ELFN2: variants seen among roughly 807,000 people sequenced by gnomAD.
ELFN2 encodes the protein protein phosphatase 1 regulatory subunit 29.
Under a neutral mutation model 45.5 loss-of-function variants are expected in ELFN2, and 17 were observed. That is an observed-to-expected ratio of 0.37 (90% confidence interval 0.26 to 0.56). ELFN2 has a LOEUF of 0.56. Ranked by LOEUF, ELFN2 falls within the 20% of genes least tolerant of loss-of-function variation. The probability of loss-of-function intolerance (pLI) is 0.77; values close to 1 mark genes in which losing one functional copy is unlikely to be tolerated. For missense variants in ELFN2, 922 were observed against 1,183.2 expected, an observed-to-expected ratio of 0.78 and a Z score of 3.24; for synonymous variants, 550 against 551.5, an observed-to-expected ratio of 1.00 and a Z score of 0.04.
chr22:37,404,655 T>C (rs569063216), intron 2 of ELFN2, among the ~76,000 whole-genome samples: 51 of 152,170 alleles, frequency 3.4e-4, no homozygotes, highest in African/African-American at 1.2e-3. Flanking sequence ...GACTCAGGCA[T>C]CCCTTGCACA....
chr22:37,422,444 C>T lies in ELFN2; in HGVS notation c.-613-4525G>A, dbSNP rs940864426. Among the ~76,000 whole-genome samples the T allele has an allele frequency of 3.3e-5, 5 of 151,910 alleles. No individual in the cohort carries two copies. The East Asian group carries it at 9.8e-4, about 30-fold the overall frequency. On this transcript the variant is annotated intron_variant, in intron 1 of 2. Coordinates refer to ENST00000402918, the MANE Select transcript of ELFN2 (RefSeq NM_052906.5). ...TGTTCTGGCCAGGCACAGTGGCTCA[C>T]GCCTGCAATCCCAGCACTTTGGGAG...
chr22:37,371,902 T>A lies in ELFN2; in HGVS notation c.*1170A>T, dbSNP rs1328474380. 6.6e-6 allele frequency: 1 copy of A among 152,202 alleles called. No individual in the cohort carries two copies. Among genetic ancestry groups the A allele is most frequent in the East Asian group, 1.9e-4 (1 of 5,180 alleles). The allele number at this position is 152,202 out of a possible 1,614,324, so 9.4% of individuals were successfully genotyped here. On this transcript the variant is annotated 3_prime_UTR_variant, in exon 3 of 3. Coordinates refer to ENST00000402918, the MANE Select transcript of ELFN2 (RefSeq NM_052906.5). This position sits in a 1 kb window ranked among gnomAD's most constrained non-coding sequence, Gnocchi z 6.4. Reference sequence around the variant, plus strand: ...GCCTGGATGAGCAGCCCAGAGGGGATGGGTGAGAAAGCCCTCCTTCCCCGG... The same window carrying A: ...GCCTGGATGAGCAGCCCAGAGGGGAAGGGTGAGAAAGCCCTCCTTCCCCGG...
At chr22:37,359,502 C>T (rs1003503312) in intron 1 of ELFN2, among the ~76,000 whole-genome samples, 2 of 152,262 alleles carry the variant, frequency 1.3e-5, no homozygotes, top group Non-Finnish European at 2.9e-5. Flanking sequence ...GTATCTGCAA[C>T]ACTGTCGCAG....
rs1384816861 is a variant in ELFN2, at chr22:37,372,907, G to A, written c.*165C>T. 13 of 676,250 alleles carry A rather than the reference G, an allele frequency of 1.9e-5. No homozygotes were observed. The highest frequency in any genetic ancestry group is 1.1e-4 in the African/African-American group (6 of 55,178). The allele number at this position is 676,250 out of a possible 1,614,324, so 41.9% of individuals were successfully genotyped here. On this transcript the variant is annotated 3_prime_UTR_variant, in exon 3 of 3. Coordinates refer to ENST00000402918, the MANE Select transcript of ELFN2 (RefSeq NM_052906.5). The surrounding 1 kb of genome is among the most constrained non-coding windows in gnomAD (Gnocchi z 4.4). ...GTCGGATGTTGGTTTGTTCACAGTCGGGTGGTGGTCAGGTGTGTGTGTGCG... is the reference window on the plus strand; with the variant it reads ...GTCGGATGTTGGTTTGTTCACAGTCAGGTGGTGGTCAGGTGTGTGTGTGCG...
At chr22:37,404,068 A>C (rs963626638) in intron 2 of ELFN2, among the ~76,000 whole-genome samples, 35 of 152,196 alleles carry the variant, frequency 2.3e-4, no homozygotes, top group African/African-American at 8.0e-4. Context: ...GGCACTTTTG[A>C]GGAACTGGAA....
chr22:37,380,860 A>G (rs756867961), intron 2 of ELFN2, among the ~76,000 whole-genome samples: 10 of 152,128 alleles, frequency 6.6e-5, no homozygotes, highest in Non-Finnish European at 1.2e-4. Context: ...CAGTCTTTTC[A>G]CTGCCTAGAG....
intron 1 of ELFN2, among the ~76,000 whole-genome samples, chr22:37,346,581 T>C (rs564980361): frequency 2.0e-5 from 3 of 152,324 alleles, no homozygotes; most frequent in Non-Finnish European, 2.9e-5. Context: ...GAAATGATGG[T>C]GGAGGAAAAG....
chr22:37,352,204 T>G (rs67938788), intron 1 of ELFN2: 10,054 of 151,056 alleles, frequency 0.067, 742 homozygotes, highest in Middle Eastern at 0.14. Context: ...CTTTCGTTAT[T>G]ATTAATTACT....
intron 1 of ELFN2, among the ~76,000 whole-genome samples, chr22:37,359,509 G>C (rs937725949): frequency 6.6e-6 from 1 of 152,184 alleles, no homozygotes; most frequent in Non-Finnish European, 1.5e-5. Context: ...CAACACTGTC[G>C]CAGCCTCCTT....
intron 2 of ELFN2, among the ~76,000 whole-genome samples, chr22:37,393,191 G>A (rs1932126766): frequency 6.6e-6 from 1 of 152,218 alleles, no homozygotes; most frequent in Admixed American, 6.5e-5. Context: ...GATGGTCTCT[G>A]ACCACCACCT....
intron 1 of ELFN2, among the ~76,000 whole-genome samples, chr22:37,424,953 C>CA (rs369962882): frequency 1.3e-5 from 2 of 152,122 alleles, no homozygotes; most frequent in Non-Finnish European, 2.9e-5. Context: ...ACCCGCCCCC[C>CA]ACAAGGCCCA....
intron 2 of ELFN2, among the ~76,000 whole-genome samples, chr22:37,380,177 G>T (rs886816648): frequency 6.6e-6 from 1 of 152,228 alleles, no homozygotes; most frequent in African/African-American, 2.4e-5. Context: ...GCACTGCGGC[G>T]TGTGGGAGGG....
chr22:37,347,066 C>T (rs1045466933), intron 1 of ELFN2, among the ~76,000 whole-genome samples: 3 of 151,962 alleles, frequency 2.0e-5, no homozygotes, highest in Admixed American at 6.6e-5. Flanking sequence ...GCAACCTCTG[C>T]CCCCCCGGTT....
rs1931331147 is a variant in ELFN2, at chr22:37,370,368, C to G, written c.*2704G>C. 6.6e-6 allele frequency: 1 copy of G among 152,178 alleles called. No individual in the cohort carries two copies. Among genetic ancestry groups the G allele is most frequent in the South Asian group, 2.1e-4 (1 of 4,824 alleles). 9.4% of individuals were successfully genotyped at this position (152,178 alleles called of 1,614,324 possible). On this transcript the variant is annotated 3_prime_UTR_variant, in exon 3 of 3. Transcript: ENST00000402918. ...AAAGCCCCCACCCTCTCCCTGAAGCCCCCCACGAAGCCCCAAGCTCCTGGC... is the reference window on the plus strand; with the variant it reads ...AAAGCCCCCACCCTCTCCCTGAAGCGCCCCACGAAGCCCCAAGCTCCTGGC...
chr22:37,388,015 C>T (rs1931996200), intron 2 of ELFN2, among the ~76,000 whole-genome samples: 3 of 151,918 alleles, frequency 2.0e-5, no homozygotes. Context: ...CCCACACCTC[C>T]CCACCTGCCC....
Position 37,385,143 on chromosome 22 carries a change from T to C in ELFN2, c.-462-9147A>G, listed in dbSNP as rs548639996. On this transcript the variant is annotated intron_variant, in intron 2 of 2. Coordinates refer to ENST00000402918, the MANE Select transcript of ELFN2 (RefSeq NM_052906.5). ...TCCAGTGTCGGACAGCGAAGCCCCC[T>C]GAGAGGTAGCCCGGGGAGGGATGGG... 2.6e-5 allele frequency: 4 copies of C among 152,388 alleles called. 1 individual carries two copies. The South Asian group carries it at 6.2e-4, about 24-fold the overall frequency. 9.4% of individuals were successfully genotyped at this position (152,388 alleles called of 1,614,324 possible).
chr22:37,425,347 G>A (rs1477829899), intron 1 of ELFN2, among the ~76,000 whole-genome samples: 1 of 152,158 alleles, frequency 6.6e-6, no homozygotes, highest in Non-Finnish European at 1.5e-5. Flanking sequence ...GCACTCTTCA[G>A]GGGGCAGGAC....
intron 1 of ELFN2, among the ~76,000 whole-genome samples, chr22:37,347,294 T>C (rs1930720960): frequency 6.6e-6 from 1 of 152,160 alleles, no homozygotes; most frequent in Non-Finnish European, 1.5e-5. Context: ...TCTTCATTAT[T>C]TCCTGGAGGG....
chr22:37,388,484 G>A (rs111989614), intron 2 of ELFN2, among the ~76,000 whole-genome samples: 1,712 of 152,328 alleles, frequency 0.011, 12 homozygotes, highest in Middle Eastern at 0.044. Context: ...TATAGATAAG[G>A]AAATCGAGGC....
Sources: gnomAD v4.1 joint callset for allele counts (sites outside exome capture counted in the v4.1 genomes callset) on GRCh38, gnomAD v4.1.1 for gene constraint, Gnocchi (gnomAD v3.1) non-coding constraint, MANE v1.5 for transcripts, NCBI Gene and HGNC (gene_info 2026-07-23, HGNC 2026-07-21) for gene names.